Variants in TOR1AIP1 observed in about 807,000 individuals in gnomAD.
The protein encoded by TOR1AIP1 is torsin 1A interacting protein 1.
Under a neutral mutation model 63.3 loss-of-function variants are expected in TOR1AIP1, and 54 were observed. The observed-to-expected ratio is 0.85, with a 90% CI of 0.69 to 1.07. TOR1AIP1 has a LOEUF of 1.07. Among genes scored for constraint, TOR1AIP1 ranks in the 50% least tolerant of loss-of-function variants. The pLI, the probability that TOR1AIP1 is intolerant of heterozygous loss-of-function variation, is 0.00. For missense variants in TOR1AIP1, 736 were observed against 715.0 expected (o/e 1.03, Z -0.33); for synonymous variants, 294 against 273.5 (o/e 1.07, Z -0.74).
chr1:179,882,762 T>G lies in TOR1AIP1; in HGVS notation c.260T>G (p.Leu87Arg). The G allele has an allele frequency of 1.2e-6, 2 of 1,614,052 alleles. No individual in the cohort carries two copies. The highest frequency in any genetic ancestry group is 1.7e-6 in the Non-Finnish European group (2 of 1,179,994). ...TCCCCGGTGGGAAAACGAACCCGGC[T>G]AGAAGAGTTCCGGTCCGATTCTGCG... Reference protein sequence around the residue: ...ERSPVGKRTRLEEFRSDSAKE... With the variant: ...ERSPVGKRTRREEFRSDSAKE... The change falls in exon 1 of 10, where the codon CTA (leucine) becomes CGA (arginine). Residue 87 changes from leucine (L) to arginine (R), a missense_variant. This residue lies in a region of TOR1AIP1 where 464 missense variants were observed against 371.0 expected (regional missense o/e 1.25). Transcript: ENST00000606911.
chr1:179,907,911 C>CTTTTTTT, intron 7 of TOR1AIP1, 47 bp downstream of exon 7: 1 of 636,576 alleles, frequency 1.6e-6, no homozygotes. Context: ...CAATTCTTTT[C>CTTTTTTT]TCTTTTTTTT....
intron 4 of TOR1AIP1, 47 bp downstream of exon 4, chr1:179,900,214 C>A: frequency 1.5e-6 from 2 of 1,335,242 alleles, no homozygotes. Flanking sequence ...AAGTCTTTTT[C>A]TTTACATTAG....
chr1:179,883,126 C>A, intron 1 of TOR1AIP1, 149 bp downstream of exon 1: 1 of 731,762 alleles, frequency 1.4e-6, no homozygotes. Flanking sequence ...CTTGTGCCGC[C>A]GTGCAAGGGC....
chr1:179,884,468 A>G (rs1257000970), intron 1 of TOR1AIP1, among the ~76,000 whole-genome samples: 3 of 152,134 alleles, frequency 2.0e-5, no homozygotes, highest in African/African-American at 7.2e-5. Flanking sequence ...TTGTAAAACA[A>G]CAATGGCAAA....
chr1:179,884,375 A>G (rs891571286), intron 1 of TOR1AIP1, among the ~76,000 whole-genome samples: 3 of 152,192 alleles, frequency 2.0e-5, no homozygotes, highest in Admixed American at 2.0e-4. Flanking sequence ...TTAAGGATCT[A>G]AACATTTTTC....
chr1:179,914,832 G>C (rs1368157557), intron 9 of TOR1AIP1, among the ~76,000 whole-genome samples: 1 of 151,608 alleles, frequency 6.6e-6, no homozygotes, highest in African/African-American at 2.4e-5. Flanking sequence ...TGATGATTCT[G>C]AAATTTTTTG....
intron 8 of TOR1AIP1, among the ~76,000 whole-genome samples, chr1:179,909,779 T>G (rs990851717): frequency 6.6e-6 from 1 of 152,154 alleles, no homozygotes; most frequent in East Asian, 1.9e-4. Flanking sequence ...TGGGTTTTTT[T>G]TGAGATGAAG....
intron 9 of TOR1AIP1, among the ~76,000 whole-genome samples, chr1:179,916,545 C>G (rs972355783): frequency 1.3e-5 from 2 of 151,910 alleles, no homozygotes; most frequent in Non-Finnish European, 2.9e-5. Flanking sequence ...ATAAATTAAT[C>G]CTATTATTAT....
chr1:179,896,845 G>C (rs1311962084), intron 3 of TOR1AIP1, among the ~76,000 whole-genome samples: 2 of 152,122 alleles, frequency 1.3e-5, no homozygotes, highest in Non-Finnish European at 2.9e-5. Context: ...ATAATGTTTA[G>C]AATGACATTC....
intron 8 of TOR1AIP1, among the ~76,000 whole-genome samples, chr1:179,911,467 G>T (rs1412109018): frequency 6.6e-6 from 1 of 152,198 alleles, no homozygotes; most frequent in East Asian, 1.9e-4. Flanking sequence ...CCCAGTTCAG[G>T]CTTCTGCCTG....
intron 2 of TOR1AIP1, chr1:179,887,874 T>G (rs1314574651): frequency 6.6e-6 from 1 of 152,222 alleles, no homozygotes; most frequent in East Asian, 1.9e-4. Flanking sequence ...ATTGAGCACC[T>G]ACTTTGGGCC....
intron 2 of TOR1AIP1, among the ~76,000 whole-genome samples, chr1:179,887,581 C>T (rs1177615145): frequency 6.6e-6 from 1 of 152,088 alleles, no homozygotes; most frequent in Non-Finnish European, 1.5e-5. Flanking sequence ...CTTAAAATAG[C>T]CGTTAGGTTG....
chr1:179,895,730 T>A (rs1246443868), intron 3 of TOR1AIP1, among the ~76,000 whole-genome samples: 1 of 152,020 alleles, frequency 6.6e-6, no homozygotes, highest in African/African-American at 2.4e-5. Flanking sequence ...CGAAACCCCG[T>A]CTCTACTAAA....
Position 179,901,302 on chromosome 1 carries a change from G to A in TOR1AIP1, c.653G>A (p.Gly218Glu), listed in dbSNP as rs1170530772. 1 of 1,605,604 alleles carries A rather than the reference G, an allele frequency of 6.2e-7. No homozygotes were observed. Among genetic ancestry groups the A allele is most frequent in the Non-Finnish European group, 8.5e-7 (1 of 1,174,400 alleles). Reference sequence around the variant, plus strand: ...TAGTATATTGTTTACTTCTCTTTAGGAGAAACTGAAGAAGATGATCAAGAC... The same window carrying A: ...TAGTATATTGTTTACTTCTCTTTAGAAGAAACTGAAGAAGATGATCAAGAC... ...VQQKVNFSEEGETEEDDQDSS... is the reference protein window; with the variant it reads ...VQQKVNFSEEEETEEDDQDSS... Residue 218 changes from glycine (G) to glutamate (E), a missense_variant and splice_region_variant, in exon 5 of 10, where the codon GGA (glycine) becomes GAA (glutamate). Around this residue, in one of 2 missense-constraint regions of TOR1AIP1, gnomAD observed 464 missense variants for 371.0 expected, o/e 1.25. Transcript: ENST00000606911.
At chr1:179,914,992 C>G (rs892335736) in intron 9 of TOR1AIP1, among the ~76,000 whole-genome samples, 3 of 152,014 alleles carry the variant, frequency 2.0e-5, no homozygotes, top group Non-Finnish European at 2.9e-5. Flanking sequence ...AATAATTTAG[C>G]AAGAAGAGTA....
Position 179,889,321 on chromosome 1 carries a change from G to T in TOR1AIP1, c.562G>T (p.Asp188Tyr). ...RSIQEAPVSE[D>Y]LVIRLRRPPL... ...TCTTCCTATATTAGCAGTGAGTGAA[G>T]ATCTTGTAATCAGGTTACGTCGACC... The change falls in exon 3 of 10, where the codon GAT becomes TAT. Residue 188 changes from aspartate (D) to tyrosine (Y), a missense_variant. Around this residue, in one of 2 missense-constraint regions of TOR1AIP1, gnomAD observed 464 missense variants for 371.0 expected, o/e 1.25. Coordinates refer to ENST00000606911, the MANE Select transcript of TOR1AIP1 (RefSeq NM_015602.4). 1 of 1,603,616 alleles carries T rather than the reference G, an allele frequency of 6.2e-7. No homozygotes were observed. The highest frequency in any genetic ancestry group is 8.5e-7 in the Non-Finnish European group (1 of 1,172,224).
At chr1:179,913,929 C>G (rs1648912655) in intron 8 of TOR1AIP1, 69 bp from the exon 9 acceptor site, 3 of 1,387,210 alleles carry the variant, frequency 2.2e-6, no homozygotes, top group Admixed American at 2.0e-5. Flanking sequence ...TCTTCTTTGT[C>G]TACTAGAAAT....
chr1:179,896,710 A>G (rs971024053), intron 3 of TOR1AIP1, among the ~76,000 whole-genome samples: 2 of 152,188 alleles, frequency 1.3e-5, no homozygotes, highest in Non-Finnish European at 2.9e-5. Context: ...GAGACTTGCA[A>G]ATACTACAGT....
rs961703330 is a variant in TOR1AIP1 at position 179,891,908 on chromosome 1, G to A, written c.610+2539G>A. ...GTGAATTCGATACGTTGTTCACGGCGAGTTCAGTGTCCTTTGCTGTAATAC... is the reference window on the plus strand; with the variant it reads ...GTGAATTCGATACGTTGTTCACGGCAAGTTCAGTGTCCTTTGCTGTAATAC... On this transcript the variant is annotated intron_variant, in intron 3 of 9. Coordinates refer to ENST00000606911, the MANE Select transcript of TOR1AIP1 (RefSeq NM_015602.4). Among the ~76,000 whole-genome samples, 23 of 152,258 alleles carry A rather than the reference G, an allele frequency of 1.5e-4. No homozygotes were observed. In the East Asian group the frequency reaches 1.5e-3, roughly 10 times the overall value.
Sources: gnomAD v4.1 joint callset for allele counts (sites outside exome capture counted in the v4.1 genomes callset) on GRCh38, gnomAD v4.1.1 for gene constraint, gnomAD v4.1.1 regional missense constraint, MANE v1.5 for transcripts, NCBI Gene and HGNC (gene_info 2026-07-23, HGNC 2026-07-21) for gene names.